CDIN1: variants seen among roughly 807,000 people sequenced by gnomAD.
CDIN1 encodes CDAN1-interacting nuclease 1.
In CDIN1, 33 loss-of-function variants were observed where a neutral mutation model predicts 45.3. The observed-to-expected ratio is 0.73, with a 90% CI of 0.55 to 0.97. The LOEUF (loss-of-function observed/expected upper bound fraction) is 0.97, where lower values mean the gene tolerates loss of function less well. Ranked by LOEUF, CDIN1 falls within the 50% of genes least tolerant of loss-of-function variation. The pLI is 0.00. For missense variants in CDIN1, 303 were observed against 339.4 expected, an observed-to-expected ratio of 0.89 and a Z score of 0.84; for synonymous variants, 118 against 124.4, an observed-to-expected ratio of 0.95 and a Z score of 0.34.
chr15:36,651,192 T>A (rs571663546), intron 3 of CDIN1, among the ~76,000 whole-genome samples: 7 of 152,306 alleles, frequency 4.6e-5, no homozygotes, highest in African/African-American at 1.4e-4. Context: ...TAATGTAGTA[T>A]TGAGAATGAC....
At chr15:36,682,767 CAAA>C (rs10706117) in intron 5 of CDIN1, among the ~76,000 whole-genome samples, 1 of 61,396 alleles carries the variant, frequency 1.6e-5, no homozygotes, top group Non-Finnish European at 3.2e-5. Flanking sequence ...AAGACCCTGC[CAAA>C]AAAAAAAAAA....
chr15:36,594,905 T>C lies in CDIN1; in HGVS notation c.101+14944T>C, dbSNP rs557820217. 20 of 985,628 alleles carry C rather than the reference T, an allele frequency of 2.0e-5. No individual in the cohort carries two copies. In the East Asian group the frequency reaches 2.0e-3, roughly 101 times the overall value. 61.1% of individuals were successfully genotyped at this position (985,628 alleles called of 1,614,324 possible). On this transcript the variant is annotated intron_variant, in intron 1 of 10. Coordinates refer to ENST00000566621, the MANE Select transcript of CDIN1 (RefSeq NM_001321759.2). ...ACCCCATTTCCTCAAAGCTCAGCTT[T>C]CTGTTTAGTTGTGGTAAGTTCATCT...
chr15:36,643,944 T>C (rs2040211035), intron 1 of CDIN1, among the ~76,000 whole-genome samples: 1 of 152,250 alleles, frequency 6.6e-6, no homozygotes, highest in Non-Finnish European at 1.5e-5. Flanking sequence ...GTGTCACTTA[T>C]TAATGGAGAT....
chr15:36,595,083 C>G (rs1195959671), intron 1 of CDIN1, among the ~76,000 whole-genome samples: 1 of 151,726 alleles, frequency 6.6e-6, no homozygotes, highest in African/African-American at 2.4e-5. Flanking sequence ...AATAAATGTT[C>G]TTTTAAGAAG....
At chr15:36,686,622 G>A (rs2042059433) in intron 5 of CDIN1, among the ~76,000 whole-genome samples, 1 of 151,308 alleles carries the variant, frequency 6.6e-6, no homozygotes, top group South Asian at 2.1e-4. Flanking sequence ...GCTCATGCTT[G>A]TAATCTCAGC....
chr15:36,582,606 T>A (rs907669979), intron 1 of CDIN1, among the ~76,000 whole-genome samples: 1 of 152,212 alleles, frequency 6.6e-6, no homozygotes, highest in Non-Finnish European at 1.5e-5. Flanking sequence ...ACTATCTTGC[T>A]ATTTTTATAA....
At chr15:36,691,232 A>G (rs1224411521) in intron 5 of CDIN1, 1 of 517,066 alleles carries the variant, frequency 1.9e-6, no homozygotes, top group Non-Finnish European at 3.9e-6. Flanking sequence ...AATTGATATA[A>G]TTAAAGCATA....
chr15:36,630,300 G>C (rs190549105), intron 1 of CDIN1, among the ~76,000 whole-genome samples: 1 of 152,098 alleles, frequency 6.6e-6, no homozygotes, highest in Non-Finnish European at 1.5e-5. Flanking sequence ...GGACCAAGGC[G>C]CAGTTTTTTG....
chr15:36,601,395 T>C (rs2038095119), intron 1 of CDIN1, among the ~76,000 whole-genome samples: 1 of 152,222 alleles, frequency 6.6e-6, no homozygotes, highest in Non-Finnish European at 1.5e-5. Context: ...TGGAGACTAG[T>C]GTAATACTTA....
intron 10 of CDIN1, among the ~76,000 whole-genome samples, chr15:36,771,367 A>G (rs12905288): frequency 0.81 from 123,707 of 152,026 alleles, 52,631 homozygotes; most frequent in East Asian, 0.95. Flanking sequence ...ATAAAAAACA[A>G]CAAAAAAAGA....
At chr15:36,702,309 C>A (rs2042674519) in intron 8 of CDIN1, among the ~76,000 whole-genome samples, 1 of 152,148 alleles carries the variant, frequency 6.6e-6, no homozygotes, top group South Asian at 2.1e-4. Context: ...TGGTGAGAGA[C>A]TTTCTTACTT....
intron 5 of CDIN1, among the ~76,000 whole-genome samples, chr15:36,690,097 C>G (rs750890553): frequency 1.3e-5 from 2 of 152,246 alleles, no homozygotes; most frequent in East Asian, 3.9e-4. Flanking sequence ...AGTGCAAACA[C>G]GTGTTCACAA....
At chr15:36,682,033 T>A (rs113830470) in intron 5 of CDIN1, among the ~76,000 whole-genome samples, 16,821 of 152,196 alleles carry the variant, frequency 0.11, 1,012 homozygotes, top group Middle Eastern at 0.16. Context: ...AAATCAACTC[T>A]TAGAGTTCTC....
At chr15:36,749,454 C>A (rs2053398774) in intron 10 of CDIN1, among the ~76,000 whole-genome samples, 1 of 152,086 alleles carries the variant, frequency 6.6e-6, no homozygotes, top group Non-Finnish European at 1.5e-5. Context: ...TTTAAGCTCA[C>A]CAAGGTTTCT....
intron 1 of CDIN1, among the ~76,000 whole-genome samples, chr15:36,599,627 G>T (rs2038003673): frequency 6.6e-6 from 1 of 152,162 alleles, no homozygotes; most frequent in East Asian, 1.9e-4. Context: ...ACTAAATTAT[G>T]TTAATCTGTC....
At chr15:36,747,088 A>G (rs1389235494) in intron 10 of CDIN1, 2 of 397,634 alleles carry the variant, frequency 5.0e-6, no homozygotes, top group African/African-American at 4.1e-5. Flanking sequence ...AACAAAAAAC[A>G]TTTTCAAATT....
intron 10 of CDIN1, among the ~76,000 whole-genome samples, chr15:36,767,303 T>C (rs2053952715): frequency 6.6e-6 from 1 of 152,194 alleles, no homozygotes; most frequent in African/African-American, 2.4e-5. Flanking sequence ...GTTCCCTATG[T>C]AATGTAGATG....
At chr15:36,759,664 C>T (rs1420651318) in intron 10 of CDIN1, among the ~76,000 whole-genome samples, 1 of 152,098 alleles carries the variant, frequency 6.6e-6, no homozygotes, top group East Asian at 1.9e-4. Flanking sequence ...TAAAGAACTA[C>T]CTGAGGCTGG....
At position 36,808,891 on chromosome 15, in the gene CDIN1, T is replaced by C. The variant is rs1168489381; in HGVS notation, c.*438T>C. Reference sequence around the variant, plus strand: ...GTCTCTCCCTCTCCCTTTCTCTTCATGTGCACTCACAGAGACCCAGCATTG... The same window carrying C: ...GTCTCTCCCTCTCCCTTTCTCTTCACGTGCACTCACAGAGACCCAGCATTG... On this transcript the variant is annotated 3_prime_UTR_variant, in exon 11 of 11. Transcript: ENST00000566621. 2.2e-6 allele frequency: 1 copy of C among 456,362 alleles called. No individual in the cohort carries two copies. The highest frequency in any genetic ancestry group is 4.4e-6 in the Non-Finnish European group (1 of 226,914). The allele number at this position is 456,362 out of a possible 1,614,324, so 28.3% of individuals were successfully genotyped here. A position where few individuals can be genotyped will look rare whatever the true frequency, so the allele number is the denominator to read the frequency against.
Sources: allele counts gnomAD v4.1 joint callset (sites outside exome capture counted in the v4.1 genomes callset), GRCh38; gene constraint gnomAD v4.1.1; transcripts MANE v1.5; gene names NCBI Gene and HGNC (gene_info 2026-07-23, HGNC 2026-07-21).